The following ITGA7 variants were observed in gnomAD, a reference collection of about 807,000 sequenced individuals.
ITGA7 encodes integrin subunit alpha 7, also known as integrin alpha-7.
ITGA7 carries 84 observed loss-of-function variants against 131.6 expected under a neutral mutation model. The observed-to-expected ratio is 0.64, with a 90% CI of 0.54 to 0.77. The LOEUF (loss-of-function observed/expected upper bound fraction) is 0.77, where lower values mean the gene tolerates loss of function less well. Ranked by LOEUF, ITGA7 falls within the 30% of genes least tolerant of loss-of-function variation. The pLI is 0.00. For missense variants in ITGA7, 1,399 were observed against 1,482.9 expected (o/e 0.94, Z 0.93); for synonymous variants, 548 against 600.7 (o/e 0.91, Z 1.28).
At chr12:55,696,066 C>G (rs1209452530) in intron 13 of ITGA7, among the ~76,000 whole-genome samples, 1 of 152,176 alleles carries the variant, frequency 6.6e-6, no homozygotes, top group East Asian at 1.9e-4. Context: ...ATTACAGAAT[C>G]CCATCAACCT....
At chr12:55,700,294 C>T (rs1873684198) in intron 4 of ITGA7, 5 of 1,608,854 alleles carry the variant, frequency 3.1e-6, no homozygotes, top group Admixed American at 1.7e-5. Context: ...CGGGATGAGG[C>T]GGGGGTCCTG....
At position 55,700,429 on chromosome 12, in the gene ITGA7, C is replaced by A. The variant is rs200292880; in HGVS notation, c.671-440G>T. 1.8e-4 allele frequency: 283 copies of A among 1,578,990 alleles called. 4 individuals carry two copies. The Middle Eastern group carries it at 5.5e-3, about 31-fold the overall frequency. ...AGACCTGTTAGTGCCCAGGGCAGGG[C>A]GCAAGGAACACCCCTCAGGCCGGAC... On this transcript the variant is annotated intron_variant, in intron 4 of 24. Coordinates refer to ENST00000257879, the MANE Select transcript of ITGA7 (RefSeq NM_002206.3).
upstream of ITGA7, chr12:55,708,134 TC>T: frequency 1.5e-6 from 1 of 685,144 alleles, no homozygotes; most frequent in Non-Finnish European, 1.8e-6. Context: ...CCCAACCCCA[TC>T]CCCACCCCGG....
At chr12:55,701,623 C>A (rs1481976577) in intron 3 of ITGA7, among the ~76,000 whole-genome samples, 2 of 151,710 alleles carry the variant, frequency 1.3e-5, no homozygotes, top group Non-Finnish European at 2.9e-5. Context: ...CTCTGTCACC[C>A]AGGCTGGAGT....
Position 55,696,944 on chromosome 12 carries a change from C to G in ITGA7, c.1692G>C (p.Lys564Asn). The G allele has an allele frequency of 6.2e-7, 1 of 1,614,220 alleles. No homozygotes were observed. The highest frequency in any genetic ancestry group is 8.5e-7 in the Non-Finnish European group (1 of 1,180,048). The change falls in exon 12 of 25, where the codon AAG (lysine) becomes AAC (asparagine). Residue 564 changes from lysine (K) to asparagine (N), a missense_variant. Physicochemically the swap from Lys to Asn is moderately conservative, Grantham distance 94. Transcript: ENST00000257879. ...KHQASGTVWL[K>N]HQHDRVCGDA... is the part of the protein sequence containing the mutation. ...CTCCACAGACTCGGTCATGCTGGTG[C>G]TTCAGCCACACGGTGCCCGAGGCCT...
upstream of ITGA7, among the ~76,000 whole-genome samples, chr12:55,713,627 T>A (rs1478575576): frequency 2.6e-5 from 4 of 152,258 alleles, no homozygotes; most frequent in Non-Finnish European, 4.4e-5. Flanking sequence ...AGTGCTTGAC[T>A]ATGATGAGTA....
In ITGA7 at chr12:55,694,425, C is replaced by A; in HGVS notation, c.2357+18G>T. 6.2e-7 allele frequency: 1 copy of A among 1,613,850 alleles called. No homozygotes were observed. Among genetic ancestry groups the A allele is most frequent in the South Asian group, 1.1e-5 (1 of 91,060 alleles). ...TATGACTACCCCCACCTCACCCTTC[C>A]GGCCCCGCCTGGCTTACGTGGCCAA... On this transcript the variant is annotated intron_variant, in intron 17 of 24. Transcript: ENST00000257879. The surrounding 1 kb of genome is among the most constrained non-coding windows in gnomAD (Gnocchi z 5.3).
At chr12:55,695,750 A>T in intron 13 of ITGA7, 113 bp from the exon 14 acceptor site, 3 of 751,484 alleles carry the variant, frequency 4.0e-6, no homozygotes, top group Non-Finnish European at 7.2e-6. Flanking sequence ...CCTGTCCTCA[A>T]CTCTCAGATC....
chr12:55,688,313 G>A lies in ITGA7; in HGVS notation c.2959-13C>T. 1 of 1,590,350 alleles carries A rather than the reference G, an allele frequency of 6.3e-7. No individual in the cohort carries two copies. Among genetic ancestry groups the A allele is most frequent in the African/African-American group, 1.3e-5 (1 of 74,550 alleles). ...CAGCTGAGTACTCCTAAGGGAACAG[G>A]GAAGGAGACCCTTCTCCTAAATGCC... On this transcript the variant is annotated splice_polypyrimidine_tract_variant and intron_variant, in intron 22 of 24. Transcript: ENST00000257879.
rs574668309 is a variant in ITGA7, at chr12:55,694,394, G to A, written c.2357+49C>T. The stretch of plus-strand genomic sequence containing the variant: ...AGGCACCTCCCAAGGGGTCAGATGA[G>A]GTCAATATGACTACCCCCACCTCAC... On this transcript the variant is annotated intron_variant, in intron 17 of 24. Coordinates refer to ENST00000257879, the MANE Select transcript of ITGA7 (RefSeq NM_002206.3). The surrounding 1 kb of genome is among the most constrained non-coding windows in gnomAD (Gnocchi z 5.3). 8.9e-5 allele frequency: 143 copies of A among 1,611,900 alleles called. No homozygotes were observed. The highest frequency in any genetic ancestry group is 1.2e-4 in the Non-Finnish European group (141 of 1,178,196).
intron 1 of ITGA7, among the ~76,000 whole-genome samples, chr12:55,706,725 A>G (rs1197892298): frequency 6.6e-6 from 1 of 152,156 alleles, no homozygotes; most frequent in Admixed American, 6.5e-5. Context: ...GGCCCTTCCC[A>G]GCTGCTGAGA....
intron 2 of ITGA7, 49 bp downstream of exon 2, chr12:55,703,002 C>T (rs755734099): frequency 3.7e-6 from 6 of 1,613,738 alleles, no homozygotes; most frequent in Non-Finnish European, 5.1e-6. Context: ...CCCAAGTCCT[C>T]TCCTCCCCGC....
At chr12:55,712,687 C>T (rs144941844), upstream of ITGA7, among the ~76,000 whole-genome samples, 813 of 152,252 alleles carry the variant, frequency 5.3e-3, 4 homozygotes, top group Non-Finnish European at 8.6e-3. Flanking sequence ...TCCATCTCTA[C>T]CAAGGACAAG....
Position 55,685,297 on chromosome 12 carries a change from A to G in ITGA7, c.3184-9T>C, listed in dbSNP as rs1219462093. On this transcript the variant is annotated splice_polypyrimidine_tract_variant and intron_variant, in intron 24 of 24. Transcript: ENST00000257879. ...CGTTTGAAGAATCCCATCTATAAGG[A>G]CACCAGGCCAGACCATGAGGAGCCT... 6.2e-7 allele frequency: 1 copy of G among 1,613,394 alleles called. No individual in the cohort carries two copies. The highest frequency in any genetic ancestry group is 8.5e-7 in the Non-Finnish European group (1 of 1,179,622).
rs1565629452 is a variant in ITGA7, at chr12:55,698,010, G to A, written c.1209C>T (p.Ala403=). 1 of 1,614,114 alleles carries A rather than the reference G, an allele frequency of 6.2e-7. No homozygotes were observed. The stretch of plus-strand genomic sequence containing the variant: ...AGACTTTCCCATCACCATCAAAGGG[G>A]GCACCCACTGCAATATCTGCAGGGC... ...QDGFPDIAVG[A]PFDGDGKVFI... is the part of the protein sequence containing the mutation. The change falls in exon 8 of 25, where the codon GCC becomes GCT. Residue 403 remains alanine, a synonymous_variant. Transcript: ENST00000257879.
At chr12:55,701,999 T>C (rs10732739) in intron 3 of ITGA7, among the ~76,000 whole-genome samples, 150,612 of 152,236 alleles carry the variant, frequency 0.99, 74,506 homozygotes, top group East Asian at 1. Flanking sequence ...AACAGAGAGC[T>C]CTGGTTTTTT....
chr12:55,700,259 T>C (rs1407704702), intron 4 of ITGA7: 1 of 1,602,824 alleles, frequency 6.2e-7, no homozygotes, highest in Admixed American at 1.8e-5. Context: ...GAGAGGTCCC[T>C]ACCAAAGTAG....
chr12:55,692,315 G>A (rs923991545), intron 21 of ITGA7, among the ~76,000 whole-genome samples: 15 of 138,064 alleles, frequency 1.1e-4, no homozygotes, highest in Non-Finnish European at 2.1e-4. Flanking sequence ...TACTTAGGAG[G>A]CTGAGGAAGG....
rs762003289 is a variant in ITGA7 at position 55,703,147 on chromosome 12, G to A, written c.238C>T (p.Leu80Phe). 2 of 1,612,536 alleles carry A rather than the reference G, an allele frequency of 1.2e-6. No homozygotes were observed. Among genetic ancestry groups the A allele is most frequent in the South Asian group, 1.1e-5 (1 of 91,054 alleles). Residue 80 changes from leucine to phenylalanine, a missense_variant, in exon 2 of 25, where the codon CTT becomes TTT. Coordinates refer to ENST00000257879, the MANE Select transcript of ITGA7 (RefSeq NM_002206.3). ...GTGCGATTCGCCTGCTGCCCAGGAA[G>A]AGCCAGGGCCTGGGGAGCACCCACC... ...LLVGAPQALA[L>F]PGQQANRTGG... is the part of the protein sequence containing the mutation.
Sources: gnomAD v4.1 joint callset for allele counts (sites outside exome capture counted in the v4.1 genomes callset) on GRCh38, gnomAD v4.1.1 for gene constraint, Gnocchi (gnomAD v3.1) non-coding constraint, MANE v1.5 for transcripts, NCBI Gene and HGNC (gene_info 2026-07-23, HGNC 2026-07-21) for gene names.